Variants in CNTN4 observed in about 807,000 individuals in gnomAD.
CNTN4 encodes contactin-4.
In CNTN4, 77 loss-of-function variants were observed where a neutral mutation model predicts 122.5. The ratio of observed to expected loss-of-function variants is 0.63; its 90% CI spans 0.52 to 0.76. The LOEUF (loss-of-function observed/expected upper bound fraction) is 0.76, where lower values mean the gene tolerates loss of function less well. Among genes scored for constraint, CNTN4 ranks in the 30% least tolerant of loss-of-function variants. CNTN4 has a pLI of 0.00. For missense variants in CNTN4, 1,256 were observed against 1,259.1 expected (o/e 1.00, Z 0.04); for synonymous variants, 512 against 447.0 (o/e 1.15, Z -1.83).
chr3:2,622,735 T>C (rs1189064133), intron 4 of CNTN4, among the ~76,000 whole-genome samples: 1 of 152,188 alleles, frequency 6.6e-6, no homozygotes, highest in African/African-American at 2.4e-5. Context: ...AAAGCAACCA[T>C]GTAAGGATGT....
At chr3:2,787,553 A>T (rs1057015723) in intron 6 of CNTN4, among the ~76,000 whole-genome samples, 1 of 152,218 alleles carries the variant, frequency 6.6e-6, no homozygotes, top group Admixed American at 6.5e-5. Context: ...GTAATAATAG[A>T]GGAAGAAGAA....
intron 4 of CNTN4, among the ~76,000 whole-genome samples, chr3:2,661,769 A>G (rs2083907201): frequency 7.0e-6 from 1 of 141,854 alleles, no homozygotes; most frequent in Non-Finnish European, 1.5e-5. Context: ...CCGAGACGCC[A>G]TTGCACTGCA....
At chr3:2,389,643 G>A (rs1406016566) in intron 3 of CNTN4, among the ~76,000 whole-genome samples, 4 of 151,888 alleles carry the variant, frequency 2.6e-5, no homozygotes, top group Non-Finnish European at 5.9e-5. Context: ...TATTCCATGA[G>A]AAAATGGATC....
intron 2 of CNTN4, among the ~76,000 whole-genome samples, chr3:2,329,177 A>G (rs974418543): frequency 2.6e-5 from 4 of 152,224 alleles, no homozygotes; most frequent in African/African-American, 4.8e-5. Flanking sequence ...CAAAATAAAA[A>G]TAATACTGTC....
intron 3 of CNTN4, among the ~76,000 whole-genome samples, chr3:2,380,025 C>T (rs938219930): frequency 2.1e-5 from 3 of 145,550 alleles, no homozygotes; most frequent in Non-Finnish European, 4.4e-5. Flanking sequence ...CCATTGCATT[C>T]CAGCTTGGTC....
At chr3:2,702,119 A>C (rs1317729358) in intron 4 of CNTN4, among the ~76,000 whole-genome samples, 1 of 152,204 alleles carries the variant, frequency 6.6e-6, no homozygotes, top group Non-Finnish European at 1.5e-5. Context: ...ATTATTGCTC[A>C]GGATCCAAAA....
At chr3:2,595,777 G>C (rs1436663366) in intron 4 of CNTN4, among the ~76,000 whole-genome samples, 1 of 152,132 alleles carries the variant, frequency 6.6e-6, no homozygotes, top group South Asian at 2.1e-4. Context: ...GTTATTTTGA[G>C]TCAGTCCTGC....
At chr3:2,683,340 A>T (rs2085263747) in intron 4 of CNTN4, among the ~76,000 whole-genome samples, 1 of 152,034 alleles carries the variant, frequency 6.6e-6, no homozygotes, top group African/African-American at 2.4e-5. Flanking sequence ...ACACACACAC[A>T]CACACACACA....
rs78391872 is a variant in CNTN4 at position 3,053,544 on chromosome 3, G to A, written c.2812-263G>A. ...TTCCACTTTCCCAAGAGTGTCAACTGAGCCTCCGAGAGGCTAGGCAGTAGG... is the reference window on the plus strand; with the variant it reads ...TTCCACTTTCCCAAGAGTGTCAACTAAGCCTCCGAGAGGCTAGGCAGTAGG... On this transcript the variant is annotated intron_variant, in intron 23 of 24. Transcript: ENST00000418658. 3.4e-3 allele frequency among the ~76,000 whole-genome samples: 523 copies of A among 152,290 alleles called. 3 individuals are homozygous for A. Among genetic ancestry groups the A allele is most frequent in the African/African-American group, 0.012 (509 of 41,564 alleles).
chr3:2,294,221 C>G (rs1175278394), intron 2 of CNTN4, among the ~76,000 whole-genome samples: 1 of 151,106 alleles, frequency 6.6e-6, no homozygotes, highest in Non-Finnish European at 1.5e-5. Flanking sequence ...ACCTGAGAAA[C>G]AGACAAAACC....
chr3:2,933,179 G>A (rs1037178883), intron 13 of CNTN4, among the ~76,000 whole-genome samples: 37 of 152,116 alleles, frequency 2.4e-4, no homozygotes, highest in Middle Eastern at 3.2e-3. Context: ...CATTTTACGT[G>A]TGAAAAGAGG....
chr3:2,882,366 G>GA lies in CNTN4; in HGVS notation c.653-766dup, dbSNP rs950535560. 3.6e-3 allele frequency among the ~76,000 whole-genome samples: 473 copies of GA among 131,580 alleles called. 3 individuals are homozygous for GA. The highest frequency in any genetic ancestry group is 7.2e-3 in the African/African-American group (263 of 36,768). 86.3% of individuals were successfully genotyped at this position (131,580 alleles called of 152,430 possible). ...GGGTGACAGAGCGAGACTTCGTCTC[G>GA]AAAAAAAAAAAAAGAAAAAGGAAGA... On this transcript the variant is annotated intron_variant, in intron 8 of 24. Transcript: ENST00000418658.
intron 13 of CNTN4, among the ~76,000 whole-genome samples, chr3:2,952,103 T>C (rs1192313611): frequency 3.3e-5 from 5 of 152,186 alleles, no homozygotes; most frequent in African/African-American, 1.2e-4. Context: ...GCCCTTGTAG[T>C]ATGGAGCTTT....
At position 2,887,151 on chromosome 3, in the gene CNTN4, T is replaced by C; in HGVS notation, c.867T>C (p.Asp289=). ...ILEIPNFQQE[D]AGLYECVAEN... is the part of the protein sequence containing the mutation. ...AGATCCCTAATTTTCAGCAGGAGGA[T>C]GCTGGTTTATATGAATGTGTAGCTG... The change falls in exon 10 of 25, where the codon GAT becomes GAC. Residue 289 remains aspartate, a synonymous_variant. Transcript: ENST00000418658. 1.2e-6 allele frequency: 2 copies of C among 1,614,126 alleles called. No individual in the cohort carries two copies. Among genetic ancestry groups the C allele is most frequent in the Non-Finnish European group, 1.7e-6 (2 of 1,180,012 alleles).
intron 2 of CNTN4, among the ~76,000 whole-genome samples, chr3:2,219,138 A>G (rs908741466): frequency 4.6e-5 from 7 of 152,342 alleles, no homozygotes; most frequent in Middle Eastern, 3.4e-3. Context: ...AGTTGGCTCA[A>G]TGCTGATCCT....
chr3:2,560,172 C>T (rs1444440515), intron 3 of CNTN4, among the ~76,000 whole-genome samples: 24 of 150,666 alleles, frequency 1.6e-4, no homozygotes, highest in Admixed American at 1.5e-3. Context: ...CAGGGTTTCA[C>T]TCCCATCACC....
chr3:2,230,608 A>C (rs538584416), intron 2 of CNTN4, among the ~76,000 whole-genome samples: 2 of 152,122 alleles, frequency 1.3e-5, no homozygotes, highest in Non-Finnish European at 1.5e-5. Context: ...CCATCAAAGC[A>C]CCCACGGGTA....
intron 3 of CNTN4, among the ~76,000 whole-genome samples, chr3:2,411,996 G>A (rs1452475528): frequency 2.0e-5 from 3 of 151,986 alleles, no homozygotes; most frequent in African/African-American, 7.3e-5. Context: ...TCTATCCTGA[G>A]GTAATTTGTC....
At chr3:2,930,889 A>C (rs906811987) in intron 13 of CNTN4, among the ~76,000 whole-genome samples, 1 of 152,180 alleles carries the variant, frequency 6.6e-6, no homozygotes, top group African/African-American at 2.4e-5. Context: ...TATCAATATA[A>C]ATTTTTCAAC....
Sources: gnomAD v4.1 joint callset for allele counts (sites outside exome capture counted in the v4.1 genomes callset) on GRCh38, gnomAD v4.1.1 for gene constraint, MANE v1.5 for transcripts, NCBI Gene and HGNC (gene_info 2026-07-23, HGNC 2026-07-21) for gene names.